Variants in LARS2 observed in about 807,000 individuals in gnomAD.
LARS2 encodes leucine--tRNA ligase, mitochondrial.
LARS2 carries 81 observed loss-of-function variants against 116.6 expected under a neutral mutation model. That is an observed-to-expected ratio of 0.69 (90% CI 0.58 to 0.84). LARS2 has a LOEUF of 0.84. Among genes scored for constraint, LARS2 ranks in the 40% least tolerant of loss-of-function variants. The probability of loss-of-function intolerance (pLI) is 0.00; values close to 1 mark genes in which losing one functional copy is unlikely to be tolerated. For missense variants in LARS2, 968 were observed against 1,114.5 expected (o/e 0.87, Z 1.87); for synonymous variants, 396 against 407.2 (o/e 0.97, Z 0.33).
chr3:45,484,347 C>A (rs1699757043), intron 10 of LARS2, among the ~76,000 whole-genome samples: 2 of 151,148 alleles, frequency 1.3e-5, no homozygotes, highest in African/African-American at 4.8e-5. Context: ...TGTCTACCAT[C>A]TCTCATCTCT....
chr3:45,434,716 C>T (rs1698772160), intron 6 of LARS2, among the ~76,000 whole-genome samples: 1 of 152,140 alleles, frequency 6.6e-6, no homozygotes, highest in Admixed American at 6.5e-5. Context: ...TTTAGCAGGC[C>T]TCCTCTGATA....
chr3:45,448,877 A>G (rs1699065703), intron 7 of LARS2, among the ~76,000 whole-genome samples: 1 of 152,228 alleles, frequency 6.6e-6, no homozygotes, highest in Non-Finnish European at 1.5e-5. Flanking sequence ...TGAACATGTC[A>G]CAGTGTTGCA....
At chr3:45,424,347 A>AAC (rs1698559647) in intron 6 of LARS2, among the ~76,000 whole-genome samples, 2 of 152,236 alleles carry the variant, frequency 1.3e-5, no homozygotes, top group African/African-American at 4.8e-5. Context: ...AAAATCATCT[A>AAC]ACACAAAACC....
chr3:45,430,042 T>G, intron 6 of LARS2, among the ~76,000 whole-genome samples: 1 of 112,584 alleles, frequency 8.9e-6, no homozygotes, highest in South Asian at 3.4e-4. Flanking sequence ...GACAGAGTCT[T>G]GCTCTGTCGC....
intron 7 of LARS2, 56 bp downstream of exon 7, chr3:45,447,036 A>T: frequency 9.6e-7 from 1 of 1,046,906 alleles, no homozygotes; most frequent in Non-Finnish European, 1.4e-6. Context: ...AGGATACATC[A>T]TTGTAGTAGC....
At chr3:45,547,277 G>A in intron 21 of LARS2, 74 bp from the exon 22 acceptor site, 1 of 1,339,924 alleles carries the variant, frequency 7.5e-7, no homozygotes, top group Non-Finnish European at 1.0e-6. Context: ...TTTACAGGCA[G>A]GAGGTTTGGT....
chr3:45,484,630 A>AATATATATATATAT lies in LARS2; in HGVS notation c.1019-1057_1019-1044dup, dbSNP rs1553634444. 3.7e-3 allele frequency among the ~76,000 whole-genome samples: 36 copies of AATATATATATATAT among 9,742 alleles called. 2 individuals are homozygous for AATATATATATATAT. The highest frequency in any genetic ancestry group is 0.017 in the East Asian group (2 of 118). The allele number at this position is 9,742 out of a possible 152,430, so 6.4% of individuals were successfully genotyped here. The stretch of plus-strand genomic sequence containing the variant: ...AAAAAAAAAAAAAAAAAAAAAAAAA[A>AATATATATATATAT]ATATATATATATATATATTTAAAAT... On this transcript the variant is annotated intron_variant, in intron 10 of 21. Coordinates refer to ENST00000645846, the MANE Select transcript of LARS2 (RefSeq NM_015340.4).
chr3:45,432,502 A>G (rs1480571523), intron 6 of LARS2, among the ~76,000 whole-genome samples: 1 of 152,086 alleles, frequency 6.6e-6, no homozygotes, highest in East Asian at 1.9e-4. Flanking sequence ...AAATTGGAAA[A>G]TTTGCATATT....
chr3:45,510,313 G>A (rs927281752), intron 15 of LARS2, among the ~76,000 whole-genome samples: 1 of 151,936 alleles, frequency 6.6e-6, no homozygotes, highest in Admixed American at 6.6e-5. Context: ...GCTTGCAGGG[G>A]TAAGGTGGGA....
Position 45,516,200 on chromosome 3 carries a change from G to A in LARS2, c.1968G>A (p.Gln656=). The A allele has an allele frequency of 6.2e-7, 1 of 1,614,230 alleles. No homozygotes were observed. The highest frequency in any genetic ancestry group is 8.5e-7 in the Non-Finnish European group (1 of 1,180,028). The part of the protein sequence containing the change: ...NGVDPEEVVE[Q]YGIDTIRLYI... ...TGGACCCAGAGGAAGTTGTGGAGCAGTATGGGATCGACACGATTCGGCTCT... is the reference window on the plus strand; with the variant it reads ...TGGACCCAGAGGAAGTTGTGGAGCAATATGGGATCGACACGATTCGGCTCT... The change falls in exon 17 of 22, where the codon CAG becomes CAA. Residue 656 remains glutamine, a synonymous_variant. Coordinates refer to ENST00000645846, the MANE Select transcript of LARS2 (RefSeq NM_015340.4).
rs149913345 is a variant in LARS2, at chr3:45,500,193, G to A, written c.1623-249G>A. ...ATTTTTGTATTTTTAGTAGAGATGG[G>A]GTTTCGCCATGTTGGGCAGGCTGGT... On this transcript the variant is annotated intron_variant, in intron 14 of 21. Transcript: ENST00000645846. 3.3e-3 allele frequency among the ~76,000 whole-genome samples: 507 copies of A among 152,236 alleles called. 3 individuals carry two copies. The highest frequency in any genetic ancestry group is 9.7e-3 in the African/African-American group (401 of 41,546).
At chr3:45,471,933 G>A (rs1214444837) in intron 8 of LARS2, among the ~76,000 whole-genome samples, 5 of 152,092 alleles carry the variant, frequency 3.3e-5, no homozygotes, top group Non-Finnish European at 7.4e-5. Context: ...CAATGACATC[G>A]AGGCATTACT....
chr3:45,519,506 A>AG (rs1210068269), intron 18 of LARS2, among the ~76,000 whole-genome samples: 11 of 149,008 alleles, frequency 7.4e-5, no homozygotes, highest in Non-Finnish European at 1.0e-4. Context: ...AAAAAAAAAA[A>AG]GTAAAATTAA....
intron 4 of LARS2, among the ~76,000 whole-genome samples, chr3:45,411,198 G>A (rs1320381043): frequency 6.6e-6 from 1 of 152,210 alleles, no homozygotes; most frequent in Non-Finnish European, 1.5e-5. Flanking sequence ...CAAGGAGAGT[G>A]CTGTAAAGAG....
At chr3:45,471,262 A>T (rs1304926306) in intron 8 of LARS2, among the ~76,000 whole-genome samples, 1 of 152,176 alleles carries the variant, frequency 6.6e-6, no homozygotes, top group East Asian at 1.9e-4. Flanking sequence ...GTCATGAATC[A>T]TGTGTTTATT....
At chr3:45,485,870 T>C (rs577282315) in intron 11 of LARS2, 74 bp downstream of exon 11, 1 of 853,040 alleles carries the variant, frequency 1.2e-6, no homozygotes. Flanking sequence ...CCTGTTGCTG[T>C]CATCTGGAAG....
chr3:45,518,053 A>G lies in LARS2; in HGVS notation c.2195A>G (p.Lys732Arg). ...KAEARKLWEY[K>R]NSVISQVTTH... The stretch of plus-strand genomic sequence containing the variant: ...GAGGCCAGGAAGCTCTGGGAGTACA[A>G]GAACTCCGTCATCTCTCAGGTCAGA... Residue 732 changes from lysine to arginine, a missense_variant, in exon 18 of 22, where the codon AAG becomes AGG. By Grantham distance (26) the Lys-to-Arg change is conservative. Coordinates refer to ENST00000645846, the MANE Select transcript of LARS2 (RefSeq NM_015340.4). 1 of 1,613,048 alleles carries G rather than the reference A, an allele frequency of 6.2e-7. No individual in the cohort carries two copies. The highest frequency in any genetic ancestry group is 1.7e-5 in the Admixed American group (1 of 59,918).
chr3:45,510,434 C>T (rs562123275), intron 15 of LARS2, among the ~76,000 whole-genome samples: 1 of 152,170 alleles, frequency 6.6e-6, no homozygotes, highest in South Asian at 2.1e-4. Flanking sequence ...CATCCTCCTA[C>T]TCCTCACAGG....
intron 10 of LARS2, among the ~76,000 whole-genome samples, chr3:45,477,192 A>G (rs1418734406): frequency 6.6e-6 from 1 of 152,192 alleles, no homozygotes; most frequent in Non-Finnish European, 1.5e-5. Context: ...GTCTGTGAAG[A>G]TTTGAAGATT....
Sources: gnomAD v4.1 joint callset for allele counts (sites outside exome capture counted in the v4.1 genomes callset) on GRCh38, gnomAD v4.1.1 for gene constraint, MANE v1.5 for transcripts, NCBI Gene and HGNC (gene_info 2026-07-23, HGNC 2026-07-21) for gene names.